CORO7: variants seen among roughly 807,000 people sequenced by gnomAD.
The protein encoded by CORO7 is coronin 7.
Under a neutral mutation model 126.6 loss-of-function variants are expected in CORO7, and 107 were observed. That is an observed-to-expected ratio of 0.85 (90% CI 0.72 to 0.99). The LOEUF (loss-of-function observed/expected upper bound fraction) is 0.99, where lower values mean the gene tolerates loss of function less well. Ranked by LOEUF, CORO7 falls within the 50% of genes least tolerant of loss-of-function variation. The pLI, the probability that CORO7 is intolerant of heterozygous loss-of-function variation, is 0.00. For synonymous variants in CORO7, 603 were observed against 536.8 expected (o/e 1.12, Z -1.70); for missense variants, 1,314 against 1,255.8 (o/e 1.05, Z -0.70).
At chr16:4,410,912 T>C (rs1288417003) in intron 3 of CORO7, among the ~76,000 whole-genome samples, 3 of 152,216 alleles carry the variant, frequency 2.0e-5, no homozygotes, top group Non-Finnish European at 2.9e-5. Flanking sequence ...CAGCTGGATC[T>C]GGCCGTGACA....
rs1237092360 is a variant in CORO7, at chr16:4,354,984, C to A, written c.*174G>T. On this transcript the variant is annotated 3_prime_UTR_variant, in exon 28 of 28. Coordinates refer to ENST00000251166, the MANE Select transcript of CORO7 (RefSeq NM_024535.5). ...ACCCCAGAGACAGCAGAGGTGAAAACAGTCCCTGGGAACTGCCAGAGGCCC... is the reference window on the plus strand; with the variant it reads ...ACCCCAGAGACAGCAGAGGTGAAAAAAGTCCCTGGGAACTGCCAGAGGCCC... 4 of 619,858 alleles carry A rather than the reference C, an allele frequency of 6.5e-6. No homozygotes were observed. The highest frequency in any genetic ancestry group is 1.8e-5 in the African/African-American group (1 of 54,212). 38.4% of individuals were successfully genotyped at this position (619,858 alleles called of 1,614,324 possible).
In CORO7 at chr16:4,364,594, T is replaced by C. The variant is rs1282437634; in HGVS notation, c.1137+3A>G. ...GGGAGAGGTGAGCCAGCCCTGGTCC[T>C]ACCTGCTGGTTGTCCCCAGCCCACC... On this transcript the variant is annotated splice_donor_region_variant and intron_variant, in intron 13 of 27. Transcript: ENST00000251166. 27 of 1,555,270 alleles carry C rather than the reference T, an allele frequency of 1.7e-5. No individual in the cohort carries two copies. Among genetic ancestry groups the C allele is most frequent in the South Asian group, 1.7e-4 (14 of 84,406 alleles).
intron 5 of CORO7, among the ~76,000 whole-genome samples, chr16:4,406,023 G>A (rs867958270): frequency 7.2e-5 from 11 of 152,076 alleles, no homozygotes; most frequent in Admixed American, 2.6e-4. Flanking sequence ...ACTACTTTTC[G>A]GAGGCTTGCT....
At chr16:4,379,129 C>T (rs1169923289) in intron 9 of CORO7, among the ~76,000 whole-genome samples, 1 of 152,130 alleles carries the variant, frequency 6.6e-6, no homozygotes, top group Non-Finnish European at 1.5e-5. Context: ...TCCCCCCAGC[C>T]TGGGGCGGAG....
Position 4,368,146 on chromosome 16 carries a change from A to C in CORO7, c.786-2601T>G, listed in dbSNP as rs143712352. Among the ~76,000 whole-genome samples the C allele has an allele frequency of 1.4e-4, 21 of 151,874 alleles. 1 individual carries two copies. In the East Asian group the frequency reaches 3.9e-3, roughly 28 times the overall value. On this transcript the variant is annotated intron_variant, in intron 9 of 27. Coordinates refer to ENST00000251166, the MANE Select transcript of CORO7 (RefSeq NM_024535.5). ...TGGATCACTGGAGGTCAGCAGTTTG[A>C]GACCAGCCAGGCCAACATGATGAAA...
intron 2 of CORO7, 93 bp from the exon 3 acceptor site, chr16:4,412,523 G>C (rs2056249698): frequency 7.5e-7 from 1 of 1,330,180 alleles, no homozygotes. Context: ...CAGCAGCTCA[G>C]CCTCGGACCT....
intron 6 of CORO7, among the ~76,000 whole-genome samples, chr16:4,403,033 G>A (rs1433516223): frequency 6.6e-6 from 1 of 152,052 alleles, no homozygotes; most frequent in Non-Finnish European, 1.5e-5. Flanking sequence ...CGGGGGTGGG[G>A]GCACACTCTG....
intron 9 of CORO7, chr16:4,381,593 G>A (rs1025755924): frequency 4.4e-6 from 7 of 1,600,958 alleles, no homozygotes; most frequent in African/African-American, 2.7e-5. Context: ...CGAGGCCTCC[G>A]GGGCCTGACG....
chr16:4,405,425 C>T, intron 6 of CORO7, 66 bp downstream of exon 6: 1 of 1,539,338 alleles, frequency 6.5e-7, no homozygotes, highest in Non-Finnish European at 8.8e-7. Flanking sequence ...GAAGGCCCAG[C>T]CCAGGGGGTC....
chr16:4,416,202 G>T (rs2141346309), intron 1 of CORO7, among the ~76,000 whole-genome samples: 1 of 152,258 alleles, frequency 6.6e-6, no homozygotes, highest in East Asian at 1.9e-4. Flanking sequence ...CGGGGGTCCC[G>T]GGGCGAGGTG....
At chr16:4,386,666 G>A (rs893182342) in intron 9 of CORO7, among the ~76,000 whole-genome samples, 1 of 152,164 alleles carries the variant, frequency 6.6e-6, no homozygotes, top group Non-Finnish European at 1.5e-5. Context: ...CCCTGACTCT[G>A]CCTCTTACCC....
chr16:4,357,348 TTTCTTTC>T, intron 25 of CORO7, 89 bp from the exon 26 acceptor site: 2 of 1,248,332 alleles, frequency 1.6e-6, no homozygotes, highest in African/African-American at 4.0e-5. Context: ...CTTTCTTTTC[TTTCTTTC>T]TTTTTTTTTT....
At chr16:4,370,272 C>T (rs909968939) in intron 9 of CORO7, among the ~76,000 whole-genome samples, 1 of 152,230 alleles carries the variant, frequency 6.6e-6, no homozygotes, top group African/African-American at 2.4e-5. Context: ...TGATTGGAAA[C>T]TCAGATGGTT....
rs111548603 is a variant in CORO7, at chr16:4,382,341, C to T, written c.785+5645G>A. 1,063 of 1,611,338 alleles carry T rather than the reference C, an allele frequency of 6.6e-4. 12 individuals are homozygous for T. The African/African-American group carries it at 0.011, about 17-fold the overall frequency. ...TGCAGCGCTACCTCCAGGGGAGCTC[C>T]GTGCAGCTCAGGAGCCTCCGTCTCA... On this transcript the variant is annotated intron_variant, in intron 9 of 27. Transcript: ENST00000251166.
intron 9 of CORO7, among the ~76,000 whole-genome samples, chr16:4,379,102 G>C (rs945751285): frequency 2.6e-5 from 4 of 152,072 alleles, no homozygotes; most frequent in Admixed American, 1.3e-4. Context: ...TGGGGGAGAG[G>C]GAGCCCTATG....
At chr16:4,368,900 G>C (rs964517504) in intron 9 of CORO7, among the ~76,000 whole-genome samples, 1 of 152,208 alleles carries the variant, frequency 6.6e-6, no homozygotes, top group African/African-American at 2.4e-5. Context: ...GTGGAAACAG[G>C]TGCCAGGACA....
chr16:4,388,657 A>G, intron 7 of CORO7, 26 bp from the exon 8 acceptor site: 1 of 1,601,612 alleles, frequency 6.2e-7, no homozygotes, highest in Non-Finnish European at 8.5e-7. Context: ...GGTGGACCTG[A>G]GCCCCCAGGG....
At chr16:4,358,151 G>A (rs945796383) in intron 24 of CORO7, 48 bp from the exon 25 acceptor site, 1 of 1,583,950 alleles carries the variant, frequency 6.3e-7, no homozygotes, top group Admixed American at 1.7e-5. Flanking sequence ...CAGGTGCCCA[G>A]GGCACACGGG....
intron 25 of CORO7, 183 bp downstream of exon 25, chr16:4,357,785 A>G: frequency 1.8e-6 from 2 of 1,095,312 alleles, no homozygotes; most frequent in Non-Finnish European, 2.5e-6. Context: ...GGGACCTGTG[A>G]TGAAAACACA....
Sources: gnomAD v4.1 joint callset for allele counts (sites outside exome capture counted in the v4.1 genomes callset) on GRCh38, gnomAD v4.1.1 for gene constraint, MANE v1.5 for transcripts, NCBI Gene and HGNC (gene_info 2026-07-23, HGNC 2026-07-21) for gene names.